KCNAB3: variants seen among roughly 807,000 people sequenced by gnomAD.
KCNAB3 encodes the protein voltage-gated potassium channel subunit beta-3.
A neutral mutation model predicts 67.7 loss-of-function variants in KCNAB3; 62 were observed. The ratio of observed to expected loss-of-function variants is 0.92; its 90% CI spans 0.75 to 1.13. The LOEUF (loss-of-function observed/expected upper bound fraction) is 1.13, where lower values mean the gene tolerates loss of function less well. Ranked by LOEUF, KCNAB3 falls within the 50% of genes most tolerant of loss-of-function variation. The pLI, the probability that KCNAB3 is intolerant of heterozygous loss-of-function variation, is 0.00. For synonymous variants in KCNAB3, 212 were observed against 205.4 expected (o/e 1.03, Z -0.27); for missense variants, 514 against 522.9 (o/e 0.98, Z 0.17).
chr17:7,927,622 C>A, intron 3 of KCNAB3, 35 bp downstream of exon 3: 1 of 1,613,348 alleles, frequency 6.2e-7, no homozygotes. Context: ...TTCCCTCACC[C>A]CCACCACCCT....
chr17:7,924,881 T>C, intron 8 of KCNAB3: 1 of 568,150 alleles, frequency 1.8e-6, no homozygotes, highest in Non-Finnish European at 3.0e-6. Flanking sequence ...CAGCTGGGAG[T>C]ACAAGGCACA....
intron 7 of KCNAB3, 88 bp downstream of exon 7, chr17:7,925,595 T>C: frequency 3.0e-6 from 4 of 1,348,212 alleles, no homozygotes; most frequent in South Asian, 1.2e-5. Context: ...TAAATCCCTA[T>C]TCAAAGCCTC....
intron 4 of KCNAB3, 119 bp from the exon 5 acceptor site, chr17:7,926,222 A>C: frequency 4.4e-6 from 5 of 1,135,058 alleles, no homozygotes; most frequent in South Asian, 1.3e-5. Flanking sequence ...ATTTCAGCTC[A>C]CAGCCCCATC....
At chr17:7,926,514 A>G (rs1972237697) in intron 4 of KCNAB3, among the ~76,000 whole-genome samples, 1 of 152,136 alleles carries the variant, frequency 6.6e-6, no homozygotes, top group African/African-American at 2.4e-5. Flanking sequence ...CCTCATCCAT[A>G]ATGTGTTCTC....
rs746504199 is a variant in KCNAB3, at chr17:7,925,094, TA to T, written c.625+2del. 1.4e-4 allele frequency: 218 copies of T among 1,613,132 alleles called. No individual in the cohort carries two copies. The highest frequency in any genetic ancestry group is 1.8e-4 in the Non-Finnish European group (215 of 1,179,392). On this transcript the variant is annotated splice_donor_variant, in intron 8 of 13. Coordinates refer to ENST00000303790, the MANE Select transcript of KCNAB3 (RefSeq NM_004732.4). LOFTEE classifies it high-confidence loss of function. ...CTGTAAGGTTTGGGGGTGCTGCTTTTACCCTCCATAGGACAGTTGGGGTCTG... is the reference window on the plus strand; with the variant it reads ...CTGTAAGGTTTGGGGGTGCTGCTTTTCCCTCCATAGGACAGTTGGGGTCTG...
chr17:7,927,366 C>G lies in KCNAB3; in HGVS notation c.382G>C (p.Ala128Pro), dbSNP rs770459366. ...YEHGVNLFDT[A>P]EVYAAGKAER... ...TACTTTCCTGCTGCGTACACTTCGG[C>G]GGTGTCAAACAGGTTTACACCATGC... is the stretch of plus-strand genomic sequence containing the variant. The change falls in exon 4 of 14, where the codon GCC becomes CCC. Residue 128 changes from alanine (A) to proline (P), a missense_variant. Transcript: ENST00000303790. The G allele has an allele frequency of 1.9e-6, 3 of 1,613,818 alleles. No homozygotes were observed. The highest frequency in any genetic ancestry group is 3.3e-4 in the Middle Eastern group (2 of 6,056).
At chr17:7,926,729 T>C (rs1308759100) in intron 4 of KCNAB3, among the ~76,000 whole-genome samples, 1 of 152,284 alleles carries the variant, frequency 6.6e-6, no homozygotes. Context: ...TTCGCAGACA[T>C]GTTGATTCTT....
chr17:7,929,055 T>G lies in KCNAB3; in HGVS notation c.242+139A>C. The G allele has an allele frequency of 7.7e-7, 1 of 1,298,038 alleles. No homozygotes were observed. Among genetic ancestry groups the G allele is most frequent in the Non-Finnish European group, 1.0e-6 (1 of 958,612 alleles). The allele number at this position is 1,298,038 out of a possible 1,614,324, so 80.4% of individuals were successfully genotyped here. On this transcript the variant is annotated intron_variant, in intron 1 of 13. Transcript: ENST00000303790. This position sits in a 1 kb window ranked among gnomAD's most constrained non-coding sequence, Gnocchi z 5.7. ...CCAAGAGAGGGACAAAGTGAGGGAG[T>G]GCCAGAGACAGAAAGAAGAGATGGA... is the stretch of plus-strand genomic sequence containing the variant.
At chr17:7,927,960 T>C in intron 1 of KCNAB3, 134 bp from the exon 2 acceptor site, 1 of 1,049,620 alleles carries the variant, frequency 9.5e-7, no homozygotes, top group Non-Finnish European at 1.5e-6. Flanking sequence ...CCAGTGGGCC[T>C]ATAAGATTGG....
At position 7,929,013 on chromosome 17, in the gene KCNAB3, A is replaced by G; in HGVS notation, c.242+181T>C. 1.0e-6 allele frequency: 1 copy of G among 953,308 alleles called. No individual in the cohort carries two copies. Among genetic ancestry groups the G allele is most frequent in the Non-Finnish European group, 1.5e-6 (1 of 653,338 alleles). The allele number at this position is 953,308 out of a possible 1,614,324, so 59.1% of individuals were successfully genotyped here. A position where few individuals can be genotyped will look rare whatever the true frequency, so the allele number is the denominator to read the frequency against. On this transcript the variant is annotated intron_variant, in intron 1 of 13. Coordinates refer to ENST00000303790, the MANE Select transcript of KCNAB3 (RefSeq NM_004732.4). This position sits in a 1 kb window ranked among gnomAD's most constrained non-coding sequence, Gnocchi z 5.7. The stretch of plus-strand genomic sequence containing the variant: ...CTTGGTAAACTTGATTCTCGTAGTC[A>G]GGGGTATCGACAGAAACCAAGAGAG...
Position 7,929,511 on chromosome 17 carries a change from C to A in KCNAB3, c.-76G>T. 1 of 1,506,464 alleles carries A rather than the reference C, an allele frequency of 6.6e-7. No homozygotes were observed. 93.3% of individuals were successfully genotyped at this position (1,506,464 alleles called of 1,614,324 possible). ...GCAGGGAAGCCCGAGGGCTGACGAC[C>A]GGGGGCGTAGTGGGGCGAACCCCGG... On this transcript the variant is annotated 5_prime_UTR_variant, in exon 1 of 14. Transcript: ENST00000303790. This position sits in a 1 kb window ranked among gnomAD's most constrained non-coding sequence, Gnocchi z 5.7.
chr17:7,922,909 C>G lies in KCNAB3; in HGVS notation c.*193G>C, dbSNP rs915214588. ...GCAGGGGGCGGGCGTGCTACTTTCT[C>G]TCTCGACCCCACTGCAAAAGGATAT... On this transcript the variant is annotated 3_prime_UTR_variant, in exon 14 of 14. Transcript: ENST00000303790. The G allele has an allele frequency of 9.9e-6, 6 of 603,300 alleles. No individual in the cohort carries two copies. The highest frequency in any genetic ancestry group is 1.8e-5 in the Non-Finnish European group (6 of 335,476). 37.4% of individuals were successfully genotyped at this position (603,300 alleles called of 1,614,324 possible).
chr17:7,925,013 TG>T, intron 8 of KCNAB3, 83 bp downstream of exon 8: 1 of 1,292,676 alleles, frequency 7.7e-7, no homozygotes, highest in Non-Finnish European at 1.1e-6. Context: ...CCCAACGTCC[TG>T]GGATTACAGG....
At chr17:7,926,150 A>G (rs548104319) in intron 4 of KCNAB3, 47 bp from the exon 5 acceptor site, 3 of 1,606,168 alleles carry the variant, frequency 1.9e-6, no homozygotes, top group East Asian at 4.5e-5. Context: ...TAGGCCAATC[A>G]ATTCCTTCCT....
chr17:7,929,581 G>A lies in KCNAB3; in HGVS notation c.-146C>T. On this transcript the variant is annotated 5_prime_UTR_variant, in exon 1 of 14. Coordinates refer to ENST00000303790, the MANE Select transcript of KCNAB3 (RefSeq NM_004732.4). The surrounding 1 kb of genome is among the most constrained non-coding windows in gnomAD (Gnocchi z 5.7). ...AGGCTGCGGCGGGAGCCGCCAGGCA[G>A]GATCGGGCCCGCGGGGGCGGGCTGC... is the stretch of plus-strand genomic sequence containing the variant. The A allele has an allele frequency of 1.4e-6, 2 of 1,447,426 alleles. No homozygotes were observed. The highest frequency in any genetic ancestry group is 1.8e-6 in the Non-Finnish European group (2 of 1,109,640). 89.7% of individuals were successfully genotyped at this position (1,447,426 alleles called of 1,614,324 possible).
chr17:7,925,992 G>C lies in KCNAB3; in HGVS notation c.450-17C>G, dbSNP rs1196643814. ...CTTGATCTCCTGGAAGAATAGAAAT[G>C]GGAGAACCAGTAAGAAAAGGATTTT... On this transcript the variant is annotated splice_polypyrimidine_tract_variant and intron_variant, in intron 5 of 13. Coordinates refer to ENST00000303790, the MANE Select transcript of KCNAB3 (RefSeq NM_004732.4). The C allele has an allele frequency of 1.9e-6, 3 of 1,613,844 alleles. No homozygotes were observed. The highest frequency in any genetic ancestry group is 2.7e-5 in the African/African-American group (2 of 74,842).
chr17:7,927,762 T>G (rs775109381), intron 2 of KCNAB3, 21 bp downstream of exon 2: 4 of 1,614,066 alleles, frequency 2.5e-6, no homozygotes, highest in Non-Finnish European at 3.4e-6. Flanking sequence ...CCTCCTTTCC[T>G]TAATCCCTAT....
chr17:7,925,945 A>T lies in KCNAB3; in HGVS notation c.480T>A (p.Ile160=), dbSNP rs148049479. The T allele has an allele frequency of 1.9e-6, 3 of 1,613,702 alleles. No homozygotes were observed. In the African/African-American group the frequency reaches 4.0e-5, roughly 22 times the overall value. The part of the protein sequence containing the change: ...RRSSYVITTK[I]FWGGQAETER... ...CAGCCACTTACTGTCCTCCCCAAAA[A>T]ATCTTGGTAGTGATGACATAGCTTG... Residue 160 remains isoleucine, a synonymous_variant, in exon 6 of 14, where the codon ATT becomes ATA. Transcript: ENST00000303790.
intron 7 of KCNAB3, 148 bp downstream of exon 7, chr17:7,925,529 CAAAAAA>C (rs35440319): frequency 1.8e-4 from 80 of 433,360 alleles, no homozygotes; most frequent in Non-Finnish European, 2.3e-4. Flanking sequence ...AACTCCGTCT[CAAAAAA>C]AAAAAAAAAA....
Sources: allele counts gnomAD v4.1 joint callset (sites outside exome capture counted in the v4.1 genomes callset), GRCh38; gene constraint gnomAD v4.1.1; non-coding constraint Gnocchi (gnomAD v3.1); transcripts MANE v1.5; gene names NCBI Gene and HGNC (gene_info 2026-07-23, HGNC 2026-07-21).